The following CSMD1 variants were observed in gnomAD, a reference collection of about 807,000 sequenced individuals.
CSMD1 encodes CUB and sushi domain-containing protein 1.
A neutral mutation model predicts 417.5 loss-of-function variants in CSMD1; 213 were observed. The ratio of observed to expected loss-of-function variants is 0.51; its 90% CI spans 0.46 to 0.57. The LOEUF is 0.57. Among genes scored for constraint, CSMD1 ranks in the 20% least tolerant of loss-of-function variants. CSMD1 has a pLI of 0.00. For missense variants in CSMD1, 6,923 were observed against 4,529.7 expected (o/e 1.53, Z -15.17); for synonymous variants, 2,862 against 1,736.8 (o/e 1.65, Z -16.11).
intron 10 of CSMD1, among the ~76,000 whole-genome samples, chr8:3,556,561 C>T (rs1351426330): frequency 2.1e-5 from 3 of 143,764 alleles, no homozygotes; most frequent in Non-Finnish European, 4.6e-5. Context: ...CCCTCTCTCT[C>T]TTTCAGAAAT....
At chr8:3,803,883 G>A (rs1220442752) in intron 5 of CSMD1, among the ~76,000 whole-genome samples, 3 of 152,118 alleles carry the variant, frequency 2.0e-5, no homozygotes, top group African/African-American at 7.2e-5. Flanking sequence ...AATTTGACTT[G>A]AGTGACAATA....
intron 12 of CSMD1, among the ~76,000 whole-genome samples, chr8:3,435,928 C>T (rs556555231): frequency 6.6e-6 from 1 of 152,216 alleles, no homozygotes; most frequent in African/African-American, 2.4e-5. Flanking sequence ...TTAGTCTGGT[C>T]TTCCTGCAAT....
intron 1 of CSMD1, among the ~76,000 whole-genome samples, chr8:4,806,412 T>C (rs1187297228): frequency 6.6e-6 from 1 of 152,112 alleles, no homozygotes; most frequent in Non-Finnish European, 1.5e-5. Context: ...TTCTTTGCCA[T>C]AAAAGTCCCC....
intron 3 of CSMD1, among the ~76,000 whole-genome samples, chr8:4,275,262 C>T (rs1306513873): frequency 1.3e-5 from 2 of 151,936 alleles, no homozygotes; most frequent in Admixed American, 1.3e-4. Flanking sequence ...GAAATGAAAG[C>T]AATATGACTT....
At chr8:4,788,040 A>G in intron 1 of CSMD1, 1 of 1,591,778 alleles carries the variant, frequency 6.3e-7, no homozygotes, top group Non-Finnish European at 8.6e-7. Flanking sequence ...AGGGCTCCAA[A>G]TGGTAAAGAA....
chr8:3,157,984 AAAG>A lies in CSMD1; in HGVS notation c.5845-21_5845-19del, dbSNP rs777920039. On this transcript the variant is annotated intron_variant, in intron 38 of 69. Coordinates refer to ENST00000635120, the MANE Select transcript of CSMD1 (RefSeq NM_033225.6). ...GAACGGCCCTGTTTAAAAGAAAACA[AAAG>A]AAAATACATATAACTAAAAACAGAG... 5.3e-5 allele frequency: 82 copies of A among 1,544,408 alleles called. 1 individual carries two copies. In the South Asian group the frequency reaches 9.5e-4, roughly 18 times the overall value.
chr8:4,629,747 T>C (rs1802395270), intron 2 of CSMD1, among the ~76,000 whole-genome samples: 1 of 152,164 alleles, frequency 6.6e-6, no homozygotes. Context: ...AAAGACTAGA[T>C]TTACTATTGT....
At chr8:3,113,171 G>T (rs1235973796) in intron 42 of CSMD1, 2 of 152,262 alleles carry the variant, frequency 1.3e-5, no homozygotes, top group African/African-American at 4.8e-5. Context: ...CAAAGAGGAA[G>T]CTCTGCGTGG....
At chr8:3,531,899 T>A (rs1248744944) in intron 10 of CSMD1, among the ~76,000 whole-genome samples, 1 of 152,070 alleles carries the variant, frequency 6.6e-6, no homozygotes, top group African/African-American at 2.4e-5. Context: ...AATCAGCACA[T>A]GCACAGTAAG....
chr8:3,662,946 G>C (rs929592467), intron 7 of CSMD1, among the ~76,000 whole-genome samples: 1 of 152,116 alleles, frequency 6.6e-6, no homozygotes, highest in African/African-American at 2.4e-5. Context: ...CATGGCACAT[G>C]TGTTCCTATG....
At chr8:4,087,986 C>G (rs1489278425) in intron 3 of CSMD1, among the ~76,000 whole-genome samples, 1 of 152,132 alleles carries the variant, frequency 6.6e-6, no homozygotes, top group East Asian at 1.9e-4. Flanking sequence ...CACTTGACCT[C>G]TGAAGAACGT....
At chr8:3,312,340 G>C (rs566285420) in intron 23 of CSMD1, among the ~76,000 whole-genome samples, 1 of 152,094 alleles carries the variant, frequency 6.6e-6, no homozygotes, top group African/African-American at 2.4e-5. Flanking sequence ...GCCTTTTCTT[G>C]TTTTTGCAAA....
At chr8:3,088,542 T>C (rs1318035162) in intron 48 of CSMD1, among the ~76,000 whole-genome samples, 8 of 152,194 alleles carry the variant, frequency 5.3e-5, no homozygotes, top group African/African-American at 9.7e-5. Flanking sequence ...GCAACATCTA[T>C]GTGTCTGGCC....
At chr8:2,946,343 G>A (rs6981292) in intron 68 of CSMD1, among the ~76,000 whole-genome samples, 2,981 of 152,172 alleles carry the variant, frequency 0.02, 87 homozygotes, top group African/African-American at 0.065. Context: ...TTAGAAGATT[G>A]GTGTCCCTCC....
chr8:4,280,732 T>G (rs962868503), intron 3 of CSMD1, among the ~76,000 whole-genome samples: 1 of 152,234 alleles, frequency 6.6e-6, no homozygotes, highest in African/African-American at 2.4e-5. Context: ...TAAATATAAT[T>G]GTACTTTCCT....
At chr8:3,027,683 C>A (rs2128975586) in intron 51 of CSMD1, among the ~76,000 whole-genome samples, 1 of 152,256 alleles carries the variant, frequency 6.6e-6, no homozygotes, top group South Asian at 2.1e-4. Flanking sequence ...GACACCTAGA[C>A]ATGTGATGAT....
intron 31 of CSMD1, among the ~76,000 whole-genome samples, chr8:3,202,222 C>T (rs905674105): frequency 3.5e-4 from 54 of 152,296 alleles, no homozygotes; most frequent in African/African-American, 1.1e-3. Context: ...TATTTAGCAA[C>T]ACTTTATTCA....
intron 1 of CSMD1, among the ~76,000 whole-genome samples, chr8:4,985,232 G>C (rs983248707): frequency 6.6e-6 from 1 of 152,148 alleles, no homozygotes; most frequent in East Asian, 1.9e-4. Context: ...TGGGAGGAGG[G>C]AGAGGATTAG....
At chr8:3,776,758 A>G (rs1452677052) in intron 5 of CSMD1, among the ~76,000 whole-genome samples, 1 of 147,400 alleles carries the variant, frequency 6.8e-6, no homozygotes, top group African/African-American at 2.6e-5. Context: ...GGCAGAAAAA[A>G]GATACAGAGA....
Sources: gnomAD v4.1 joint callset for allele counts (sites outside exome capture counted in the v4.1 genomes callset) on GRCh38, gnomAD v4.1.1 for gene constraint, MANE v1.5 for transcripts, NCBI Gene and HGNC (gene_info 2026-07-23, HGNC 2026-07-21) for gene names.